EPC2: variants seen among roughly 807,000 people sequenced by gnomAD.
EPC2 encodes the protein enhancer of polycomb 2.
Under a neutral mutation model 92.1 loss-of-function variants are expected in EPC2, and 14 were observed. That is an observed-to-expected ratio of 0.15 (90% CI 0.10 to 0.24). The LOEUF is 0.24. Ranked by LOEUF, EPC2 falls within the 10% of genes least tolerant of loss-of-function variation. The pLI is 1.00. For synonymous variants in EPC2, 340 were observed against 334.7 expected, an observed-to-expected ratio of 1.02 and a Z score of -0.17; for missense variants, 755 against 971.5, an observed-to-expected ratio of 0.78 and a Z score of 2.96.
At chr2:148,716,691 C>T (rs1484054891) in intron 2 of EPC2, among the ~76,000 whole-genome samples, 1 of 152,006 alleles carries the variant, frequency 6.6e-6, no homozygotes, top group Non-Finnish European at 1.5e-5. Context: ...AAGATGTTGG[C>T]CTGAAGTTTT....
intron 5 of EPC2, 181 bp downstream of exon 5, chr2:148,762,111 G>A (rs1683310745): frequency 4.3e-6 from 2 of 468,108 alleles, no homozygotes; most frequent in African/African-American, 2.1e-5. Context: ...TTATCAATTT[G>A]GATTGCAGAT....
intron 2 of EPC2, among the ~76,000 whole-genome samples, chr2:148,738,102 C>T (rs1283091938): frequency 1.3e-5 from 2 of 151,852 alleles, no homozygotes; most frequent in African/African-American, 4.8e-5. Flanking sequence ...TTCTGTTACC[C>T]GTAAAGATTT....
chr2:148,747,983 A>C (rs1683016681), intron 3 of EPC2, among the ~76,000 whole-genome samples: 2 of 152,054 alleles, frequency 1.3e-5, no homozygotes, highest in African/African-American at 4.8e-5. Flanking sequence ...CTGCTCAAAT[A>C]TCATGTGGAA....
At chr2:148,674,884 G>A (rs986706112) in intron 1 of EPC2, among the ~76,000 whole-genome samples, 21 of 152,004 alleles carry the variant, frequency 1.4e-4, no homozygotes, top group African/African-American at 4.8e-4. Flanking sequence ...TGAGGTATGG[G>A]GCTTACTCAT....
chr2:148,733,985 CA>C (rs1682699468), intron 2 of EPC2, among the ~76,000 whole-genome samples: 1 of 152,072 alleles, frequency 6.6e-6, no homozygotes, highest in Non-Finnish European at 1.5e-5. Context: ...AGCTTAGAAT[CA>C]CTTTTCTTTT....
At chr2:148,755,152 G>A (rs1683161976) in intron 4 of EPC2, among the ~76,000 whole-genome samples, 1 of 152,084 alleles carries the variant, frequency 6.6e-6, no homozygotes, top group Non-Finnish European at 1.5e-5. Flanking sequence ...TTGAGGATGT[G>A]ATTTTTTTAA....
intron 6 of EPC2, among the ~76,000 whole-genome samples, chr2:148,763,312 G>A (rs569057043): frequency 2.1e-4 from 32 of 152,184 alleles, no homozygotes; most frequent in African/African-American, 7.5e-4. Context: ...CTGGGTCACA[G>A]TTTCTTCCTA....
chr2:148,647,165 G>C (rs1399673010), intron 1 of EPC2, among the ~76,000 whole-genome samples: 1 of 152,002 alleles, frequency 6.6e-6, no homozygotes, highest in Non-Finnish European at 1.5e-5. Flanking sequence ...ACTCCTGGAA[G>C]GTATATTACT....
chr2:148,784,683 T>C lies in EPC2; in HGVS notation c.2033T>C (p.Leu678Ser). 1 of 1,607,440 alleles carries C rather than the reference T, an allele frequency of 6.2e-7. No individual in the cohort carries two copies. The highest frequency in any genetic ancestry group is 8.5e-7 in the Non-Finnish European group (1 of 1,176,718). Residue 678 changes from leucine to serine, a missense_variant, in exon 13 of 14, where the codon TTA (leucine) becomes TCA (serine). Around this residue, in one of 4 missense-constraint regions of EPC2, gnomAD observed 207 missense variants for 260.5 expected, o/e 0.79. Transcript: ENST00000258484. ...VVQPSGTSKT[L>S]YSTNMALSSS... ...TCTTTTTCAGGAACCTCTAAAACAT[T>C]ATACTCCACCAATATGGCTTTATCA...
chr2:148,712,028 C>T (rs565405106), intron 2 of EPC2, among the ~76,000 whole-genome samples: 2 of 152,102 alleles, frequency 1.3e-5, no homozygotes, highest in Non-Finnish European at 2.9e-5. Context: ...CTCTGATGAT[C>T]TCTTTCAGTT....
At chr2:148,774,086 G>A (rs866526837) in intron 10 of EPC2, among the ~76,000 whole-genome samples, 40 of 152,230 alleles carry the variant, frequency 2.6e-4, no homozygotes, top group Middle Eastern at 3.4e-3. Context: ...ATAACACTGA[G>A]CTAAACAGAT....
chr2:148,762,547 A>G (rs1000783417), intron 5 of EPC2, 123 bp from the exon 6 acceptor site: 17 of 708,046 alleles, frequency 2.4e-5, no homozygotes, highest in Non-Finnish European at 3.7e-5. Context: ...TTATCTTTTA[A>G]AAGTAATTTG....
chr2:148,767,372 A>G (rs572526252), intron 7 of EPC2, among the ~76,000 whole-genome samples: 1 of 152,102 alleles, frequency 6.6e-6, no homozygotes, highest in African/African-American at 2.4e-5. Context: ...ATTGATTTAT[A>G]TAGTTTCCAG....
At chr2:148,663,991 A>G (rs1202753135) in intron 1 of EPC2, among the ~76,000 whole-genome samples, 1 of 152,042 alleles carries the variant, frequency 6.6e-6, no homozygotes, top group African/African-American at 2.4e-5. Flanking sequence ...CCCCTGCTAT[A>G]TAGTACATGT....
intron 4 of EPC2, 77 bp from the exon 5 acceptor site, chr2:148,761,705 G>A (rs771352384): frequency 9.7e-7 from 1 of 1,034,266 alleles, no homozygotes; most frequent in Non-Finnish European, 1.3e-6. Context: ...ATTCAGGTCT[G>A]ATAAGAGTTT....
At chr2:148,753,809 A>G (rs563429888) in intron 3 of EPC2, 118 bp from the exon 4 acceptor site, 27 of 697,052 alleles carry the variant, frequency 3.9e-5, no homozygotes, top group Middle Eastern at 3.2e-4. Flanking sequence ...TTCACTTACT[A>G]TAATATTATC....
intron 2 of EPC2, 46 bp from the exon 3 acceptor site, chr2:148,743,576 T>C: frequency 3.5e-6 from 5 of 1,436,364 alleles, no homozygotes; most frequent in Non-Finnish European, 4.6e-6. Flanking sequence ...CAATGTATAA[T>C]TTCATAATTT....
Position 148,771,145 on chromosome 2 carries a change from TTTC to T in EPC2, c.1483_1485del (p.Ser495del). On this transcript the variant is annotated inframe_deletion, in exon 10 of 14. Transcript: ENST00000258484. Reference sequence around the variant, plus strand: ...TCAAGCTCTTCCCAAACTATAGACTTTTCTTCTAATTTCTCTCGGACCAATGCT... The same window carrying T: ...TCAAGCTCTTCCCAAACTATAGACTTTTCTAATTTCTCTCGGACCAATGCT... 6.2e-7 allele frequency: 1 copy of T among 1,613,962 alleles called. No homozygotes were observed. The highest frequency in any genetic ancestry group is 8.5e-7 in the Non-Finnish European group (1 of 1,179,854).
chr2:148,656,748 G>GT (rs1235008605), intron 1 of EPC2, among the ~76,000 whole-genome samples: 7 of 152,196 alleles, frequency 4.6e-5, no homozygotes, highest in African/African-American at 1.7e-4. Flanking sequence ...GCAGAAAGGA[G>GT]TAAGATGTAC....
Sources: allele counts gnomAD v4.1 joint callset (sites outside exome capture counted in the v4.1 genomes callset), GRCh38; gene constraint gnomAD v4.1.1; regional missense constraint gnomAD v4.1.1; transcripts MANE v1.5; gene names NCBI Gene and HGNC (gene_info 2026-07-23, HGNC 2026-07-21).